The following TRDN variants were observed in gnomAD, a reference collection of about 807,000 sequenced individuals.
The protein encoded by TRDN is triadin.
Under a neutral mutation model 149.7 loss-of-function variants are expected in TRDN, and 161 were observed. The observed-to-expected ratio is 1.08, with a 90% CI of 0.95 to 1.23. The LOEUF (loss-of-function observed/expected upper bound fraction) is 1.23. Ranked by LOEUF, TRDN falls within the 50% of genes most tolerant of loss-of-function variation. The pLI is 0.00. For synonymous variants in TRDN, 294 were observed against 250.5 expected, an observed-to-expected ratio of 1.17 and a Z score of -1.64; for missense variants, 896 against 823.5, an observed-to-expected ratio of 1.09 and a Z score of -1.08.
chr6:123,335,726 C>T (rs1389872801), intron 22 of TRDN, among the ~76,000 whole-genome samples: 1 of 151,922 alleles, frequency 6.6e-6, no homozygotes, highest in African/African-American at 2.4e-5. Flanking sequence ...GAGCTGCTTT[C>T]ATAGTGAACA....
At chr6:123,402,923 T>A (rs1773041596) in intron 12 of TRDN, among the ~76,000 whole-genome samples, 4 of 152,196 alleles carry the variant, frequency 2.6e-5, no homozygotes. Flanking sequence ...TTAACATAAT[T>A]TAACTAAAGC....
chr6:123,524,578 T>C (rs959288706), intron 5 of TRDN, among the ~76,000 whole-genome samples: 1 of 152,136 alleles, frequency 6.6e-6, no homozygotes, highest in Admixed American at 6.6e-5. Flanking sequence ...ACAAACTGTG[T>C]CCTATTGTCA....
chr6:123,459,968 GT>G (rs1776357393), intron 10 of TRDN, among the ~76,000 whole-genome samples: 1 of 152,158 alleles, frequency 6.6e-6, no homozygotes, highest in Non-Finnish European at 1.5e-5. Flanking sequence ...AGAGTAAAAT[GT>G]GATTGTTTAA....
At chr6:123,612,115 G>A (rs903917838) in intron 1 of TRDN, among the ~76,000 whole-genome samples, 3 of 151,528 alleles carry the variant, frequency 2.0e-5, no homozygotes, top group Admixed American at 6.6e-5. Flanking sequence ...AGGGGGCCGG[G>A]CGCAATGGCT....
intron 24 of TRDN, among the ~76,000 whole-genome samples, chr6:123,304,407 C>T (rs1778535716): frequency 1.3e-5 from 2 of 151,808 alleles, no homozygotes; most frequent in Admixed American, 6.6e-5. Flanking sequence ...CATGCTCCAT[C>T]ATGCCCGGCT....
intron 10 of TRDN, among the ~76,000 whole-genome samples, chr6:123,442,562 G>GAA (rs58272597): frequency 0.13 from 15,545 of 120,376 alleles, 2,097 homozygotes; most frequent in South Asian, 0.26. Context: ...AAAAAAAAAA[G>GAA]AAAAAAAAAA....
chr6:123,420,840 A>T (rs75619203), intron 12 of TRDN, among the ~76,000 whole-genome samples: 2 of 152,200 alleles, frequency 1.3e-5, no homozygotes, highest in Non-Finnish European at 2.9e-5. Flanking sequence ...ATTATAAATT[A>T]ATGGAAAAAA....
chr6:123,229,938 A>G (rs958000864), intron 38 of TRDN, among the ~76,000 whole-genome samples: 2 of 151,976 alleles, frequency 1.3e-5, no homozygotes. Flanking sequence ...TCTACATTTT[A>G]TTCTCTAGAG....
intron 12 of TRDN, among the ~76,000 whole-genome samples, chr6:123,398,456 T>C (rs764535484): frequency 1.4e-4 from 22 of 152,236 alleles, no homozygotes; most frequent in Non-Finnish European, 2.8e-4. Flanking sequence ...ATATACATCC[T>C]TTATTTTTTG....
intron 1 of TRDN, among the ~76,000 whole-genome samples, chr6:123,633,870 C>T (rs1031258131): frequency 9.9e-5 from 15 of 151,974 alleles, no homozygotes; most frequent in African/African-American, 3.1e-4. Context: ...TGGGATGAGC[C>T]ATGGGAGGCA....
At chr6:123,578,892 GT>G (rs1194233956) in intron 1 of TRDN, among the ~76,000 whole-genome samples, 1 of 151,958 alleles carries the variant, frequency 6.6e-6, no homozygotes, top group Non-Finnish European at 1.5e-5. Flanking sequence ...CTCCTAGGTG[GT>G]TTTTTCGTGT....
intron 5 of TRDN, chr6:123,529,129 G>A: frequency 1.3e-6 from 2 of 1,514,744 alleles, no homozygotes; most frequent in Non-Finnish European, 1.8e-6. Flanking sequence ...CACTCCAGCA[G>A]CACTGTTATT....
At chr6:123,242,108 T>A (rs9388194) in intron 38 of TRDN, among the ~76,000 whole-genome samples, 121,260 of 152,148 alleles carry the variant, frequency 0.8, 48,851 homozygotes, top group African/African-American at 0.85. Context: ...TCCCCCTGTC[T>A]AGAGCCTTAT....
chr6:123,578,373 C>T (rs1399475534), intron 1 of TRDN, among the ~76,000 whole-genome samples: 1 of 152,090 alleles, frequency 6.6e-6, no homozygotes, highest in Non-Finnish European at 1.5e-5. Flanking sequence ...ATCCCAGCAT[C>T]ATTTATTGAG....
intron 1 of TRDN, among the ~76,000 whole-genome samples, chr6:123,588,903 A>G (rs1323996978): frequency 6.6e-6 from 1 of 152,204 alleles, no homozygotes; most frequent in Non-Finnish European, 1.5e-5. Context: ...TCATGTTAAA[A>G]TAACAGAAAT....
intron 4 of TRDN, among the ~76,000 whole-genome samples, chr6:123,542,859 CGTGT>C (rs10678221): frequency 0.049 from 7,146 of 147,050 alleles, 470 homozygotes; most frequent in African/African-American, 0.15. Flanking sequence ...TGCATGTTTG[CGTGT>C]GTGTGTGTGT....
intron 24 of TRDN, among the ~76,000 whole-genome samples, chr6:123,315,701 A>G (rs556029705): frequency 1.4e-4 from 22 of 152,056 alleles, no homozygotes; most frequent in African/African-American, 5.3e-4. Context: ...TTATAAAGAT[A>G]CAAAATACTT....
At chr6:123,508,759 A>G (rs1779038949) in intron 7 of TRDN, among the ~76,000 whole-genome samples, 1 of 152,190 alleles carries the variant, frequency 6.6e-6, no homozygotes, top group African/African-American at 2.4e-5. Context: ...TATGCAACAG[A>G]GCAAGAAACA....
At chr6:123,536,687 CAATAAATAAATAAATAAATA>C (rs143950900) in intron 4 of TRDN, among the ~76,000 whole-genome samples, 1 of 129,854 alleles carries the variant, frequency 7.7e-6, no homozygotes, top group African/African-American at 2.9e-5. Flanking sequence ...TCCATCTCTA[CAATAAATAAATAAATAAATA>C]AATAAATAAA....
Sources: gnomAD v4.1 joint callset for allele counts (sites outside exome capture counted in the v4.1 genomes callset) on GRCh38, gnomAD v4.1.1 for gene constraint, MANE v1.5 for transcripts, NCBI Gene and HGNC (gene_info 2026-07-23, HGNC 2026-07-21) for gene names.